Variants in SNX8 observed in about 807,000 individuals in gnomAD.
The protein encoded by SNX8 is sorting nexin 8, also known as sorting nexin-8.
Under a neutral mutation model 51.6 loss-of-function variants are expected in SNX8, and 25 were observed. The observed-to-expected ratio is 0.48, with a 90% confidence interval of 0.35 to 0.68. SNX8 has a LOEUF of 0.68. SNX8 is among the 30% of genes least tolerant of loss of function. SNX8 has a pLI of 0.00. For missense variants in SNX8, 695 were observed against 624.0 expected (o/e 1.11, Z -1.21); for synonymous variants, 324 against 277.0 (o/e 1.17, Z -1.68).
At chr7:2,334,699 C>G (rs1778793867) in intron 1 of SNX8, among the ~76,000 whole-genome samples, 1 of 151,128 alleles carries the variant, frequency 6.6e-6, no homozygotes, top group African/African-American at 2.4e-5. Flanking sequence ...GACTCGGTCT[C>G]AAAAAACAAA....
chr7:2,318,605 A>T (rs1437412242), upstream of SNX8, among the ~76,000 whole-genome samples: 2 of 151,472 alleles, frequency 1.3e-5, no homozygotes, highest in African/African-American at 4.8e-5. Context: ...CTGAGGCAGG[A>T]GATTGCTTGA....
chr7:2,282,170 C>T (rs1418224381), intron 1 of SNX8, among the ~76,000 whole-genome samples: 2 of 152,160 alleles, frequency 1.3e-5, no homozygotes, highest in East Asian at 1.9e-4. Flanking sequence ...CCAGATTTAC[C>T]ACGCTCCAAT....
intron 1 of SNX8, among the ~76,000 whole-genome samples, chr7:2,321,339 G>A (rs1329398884): frequency 6.6e-6 from 1 of 152,150 alleles, no homozygotes; most frequent in Non-Finnish European, 1.5e-5. Flanking sequence ...CCTTGGGAAT[G>A]TGCACCGACA....
At chr7:2,335,664 G>A (rs531856973) in intron 1 of SNX8, among the ~76,000 whole-genome samples, 2 of 152,010 alleles carry the variant, frequency 1.3e-5, no homozygotes, top group South Asian at 2.1e-4. Context: ...TTAGCTGGGC[G>A]TGGTGGCAGG....
At chr7:2,335,838 A>C (rs1024060532) in intron 1 of SNX8, among the ~76,000 whole-genome samples, 2 of 150,122 alleles carry the variant, frequency 1.3e-5, no homozygotes, top group Non-Finnish European at 3.0e-5. Flanking sequence ...ATTCTACAGT[A>C]GGCAAAACTT....
At chr7:2,273,797 G>A (rs1041045265) in intron 3 of SNX8, among the ~76,000 whole-genome samples, 9 of 151,566 alleles carry the variant, frequency 5.9e-5, no homozygotes, top group South Asian at 2.1e-4. Context: ...CCAGCTACGC[G>A]GGAGGCTGAG....
chr7:2,326,786 T>C (rs1032089352), intron 1 of SNX8, among the ~76,000 whole-genome samples: 2 of 151,826 alleles, frequency 1.3e-5, no homozygotes, highest in Admixed American at 1.3e-4. Flanking sequence ...ACCATATATA[T>C]TAGTTTCCCT....
At chr7:2,257,590 C>T in intron 8 of SNX8, 76 bp from the exon 9 acceptor site, 1 of 1,582,448 alleles carries the variant, frequency 6.3e-7, no homozygotes, top group South Asian at 1.1e-5. Flanking sequence ...CCGAGGGAAG[C>T]ACCCCCGCCA....
intron 1 of SNX8, among the ~76,000 whole-genome samples, chr7:2,321,748 C>T (rs1284425130): frequency 3.5e-5 from 4 of 114,062 alleles, no homozygotes; most frequent in East Asian, 5.8e-4. Context: ...CAGAGTCTCA[C>T]GCTTGTCACC....
chr7:2,260,309 G>A (rs1444733006), intron 7 of SNX8, among the ~76,000 whole-genome samples: 3 of 152,136 alleles, frequency 2.0e-5, no homozygotes, highest in African/African-American at 7.2e-5. Context: ...TGTTGGCCAG[G>A]CTGGTCTCAA....
chr7:2,334,998 C>T (rs1429289065), intron 1 of SNX8, among the ~76,000 whole-genome samples: 1 of 151,638 alleles, frequency 6.6e-6, no homozygotes, highest in Non-Finnish European at 1.5e-5. Context: ...GAGTTCGAGG[C>T]CAGCCTGTCC....
chr7:2,278,757 C>T lies in SNX8; in HGVS notation c.95-452G>A, dbSNP rs1387143977. On this transcript the variant is annotated intron_variant, in intron 1 of 10. Transcript: ENST00000222990. ...CTCACTCACACTACGGAGTCGAAGC[C>T]GGACTCACTCACACTACGGAGTCGA... Among the ~76,000 whole-genome samples the T allele has an allele frequency of 2.4e-4, 18 of 74,414 alleles. 1 individual carries two copies. Among genetic ancestry groups the T allele is most frequent in the Non-Finnish European group, 4.2e-4 (16 of 37,700 alleles). 48.8% of individuals were successfully genotyped at this position (74,414 alleles called of 152,430 possible).
At chr7:2,275,997 CAA>C (rs772419452) in intron 2 of SNX8, among the ~76,000 whole-genome samples, 12 of 105,016 alleles carry the variant, frequency 1.1e-4, no homozygotes, top group Admixed American at 1.0e-4. Context: ...GACTCCATTT[CAA>C]AAAAAAAAAA....
intron 1 of SNX8, among the ~76,000 whole-genome samples, chr7:2,304,727 G>A (rs1009422024): frequency 2.6e-5 from 4 of 152,166 alleles, no homozygotes; most frequent in East Asian, 1.9e-4. Flanking sequence ...AAGGCTAACC[G>A]TGCACATGCC....
intron 5 of SNX8, among the ~76,000 whole-genome samples, chr7:2,267,389 A>C (rs1341736784): frequency 7.7e-6 from 1 of 129,852 alleles, no homozygotes; most frequent in Non-Finnish European, 1.6e-5. Flanking sequence ...GCTGGACTGT[A>C]CTGCTGCCAT....
chr7:2,314,458 A>ACCCGGCCGCGCAG (rs1309298492), upstream of SNX8: 353 of 1,198,864 alleles, frequency 2.9e-4, no homozygotes, highest in Non-Finnish European at 3.5e-4. Flanking sequence ...CTCCCGCGCC[A>ACCCGGCCGCGCAG]CCCGGCCGCG....
At chr7:2,322,091 G>C (rs550071353) in intron 1 of SNX8, among the ~76,000 whole-genome samples, 1 of 152,284 alleles carries the variant, frequency 6.6e-6, no homozygotes, top group South Asian at 2.1e-4. Flanking sequence ...TGGTTAATCT[G>C]TTTTTTTGAT....
upstream of SNX8, among the ~76,000 whole-genome samples, chr7:2,318,070 G>A (rs1796783186): frequency 6.6e-6 from 1 of 152,052 alleles, no homozygotes. Flanking sequence ...ATTAGAGGCA[G>A]GGTCTTGCTG....
chr7:2,255,057 T>C lies in SNX8; in HGVS notation c.1397A>G (p.Ter466TrpextTer13). 6.4e-7 allele frequency: 1 copy of C among 1,556,638 alleles called. No homozygotes were observed. The highest frequency in any genetic ancestry group is 8.7e-7 in the Non-Finnish European group (1 of 1,147,958). The part of the protein sequence containing the change: ...SPPEDGLCPH[*>W] ...GGAGCACCACCTCAGCCTCAGGCGCTAGTGAGGACACAGGCCGTCCTCCGG... is the reference window on the plus strand; with the variant it reads ...GGAGCACCACCTCAGCCTCAGGCGCCAGTGAGGACACAGGCCGTCCTCCGG... Residue 466 changes from the stop codon to tryptophan, a stop_lost, in exon 11 of 11, where the codon TAG (stop) becomes TGG (tryptophan). Transcript: ENST00000222990.
Sources: gnomAD v4.1 joint callset for allele counts (sites outside exome capture counted in the v4.1 genomes callset) on GRCh38, gnomAD v4.1.1 for gene constraint, MANE v1.5 for transcripts, NCBI Gene and HGNC (gene_info 2026-07-23, HGNC 2026-07-21) for gene names.